The following FKTN variants were observed in gnomAD, a reference collection of about 807,000 sequenced individuals.
FKTN encodes the protein ribitol-5-phosphate transferase FKTN.
In FKTN, 47 loss-of-function variants were observed where a neutral mutation model predicts 58.6. The ratio of observed to expected loss-of-function variants is 0.80; its 90% confidence interval spans 0.63 to 1.02. The LOEUF (loss-of-function observed/expected upper bound fraction) is 1.02, where lower values mean the gene tolerates loss of function less well. Ranked by LOEUF, FKTN falls within the 50% of genes least tolerant of loss-of-function variation. The pLI is 0.00. For missense variants in FKTN, 516 were observed against 537.3 expected (o/e 0.96, Z 0.39); for synonymous variants, 178 against 191.9 (o/e 0.93, Z 0.60).
chr9:105,623,940 T>G (rs1032576981), intron 10 of FKTN, among the ~76,000 whole-genome samples: 3 of 152,212 alleles, frequency 2.0e-5, no homozygotes, highest in Non-Finnish European at 4.4e-5. Flanking sequence ...ATAGATTTAT[T>G]TAATGATTTT....
At chr9:105,619,876 G>A in intron 9 of FKTN, 58 bp from the exon 10 acceptor site, 1 of 1,474,618 alleles carries the variant, frequency 6.8e-7, no homozygotes, top group East Asian at 2.3e-5. Context: ...TTAAAAAAAG[G>A]TTTTTAAAAA....
At position 105,635,126 on chromosome 9, in the gene FKTN, C is replaced by G. The variant is rs774804160; in HGVS notation, c.1248C>G (p.Leu416=). ...AGGTCCATGTACCCTGTGAAACCCT[C>G]GAATACATTGAAGCCAACTATGGTA... ...DMKVHVPCET[L]EYIEANYGKT... is the part of the protein sequence containing the mutation. The change falls in exon 11 of 11, where the codon CTC becomes CTG. Residue 416 remains leucine (L), a synonymous_variant. Transcript: ENST00000357998. The G allele has an allele frequency of 6.2e-7, 1 of 1,613,956 alleles. No individual in the cohort carries two copies. Among genetic ancestry groups the G allele is most frequent in the South Asian group, 1.1e-5 (1 of 91,076 alleles).
Position 105,638,210 on chromosome 9 carries a change from TCTTTAACAGTG to T in FKTN, c.*2950_*2960del. On this transcript the variant is annotated 3_prime_UTR_variant, in exon 11 of 11. Coordinates refer to ENST00000357998, the MANE Select transcript of FKTN (RefSeq NM_001079802.2). ...GTCTGTTTCGCATCACAACACAGTATCTTTAACAGTGCTTGAGATGCTTAACAGAGAAGGCA... is the reference window on the plus strand; with the variant it reads ...GTCTGTTTCGCATCACAACACAGTATCTTGAGATGCTTAACAGAGAAGGCA... 1.0e-6 allele frequency: 1 copy of T among 985,402 alleles called. No individual in the cohort carries two copies. 61.0% of individuals were successfully genotyped at this position (985,402 alleles called of 1,614,324 possible). A position where few individuals can be genotyped will look rare whatever the true frequency, so the allele number is the denominator to read the frequency against.
At chr9:105,631,146 A>C (rs1564350767) in intron 10 of FKTN, among the ~76,000 whole-genome samples, 1 of 152,130 alleles carries the variant, frequency 6.6e-6, no homozygotes, top group Non-Finnish European at 1.5e-5. Flanking sequence ...AACAAACAAA[A>C]AAATCTGAAA....
chr9:105,565,052 T>C (rs1839157496), intron 1 of FKTN, among the ~76,000 whole-genome samples: 1 of 152,104 alleles, frequency 6.6e-6, no homozygotes, highest in East Asian at 1.9e-4. Context: ...CAAACTAAGC[T>C]TCATAAGTGA....
At chr9:105,577,796 C>G (rs1238025911) in intron 3 of FKTN, among the ~76,000 whole-genome samples, 2 of 150,220 alleles carry the variant, frequency 1.3e-5, no homozygotes, top group East Asian at 3.9e-4. Context: ...TCTTCCTACC[C>G]ATGAGCATGG....
intron 3 of FKTN, among the ~76,000 whole-genome samples, chr9:105,593,530 G>C (rs914416453): frequency 3.9e-5 from 6 of 152,228 alleles, no homozygotes; most frequent in African/African-American, 1.2e-4. Flanking sequence ...AGTACAAATG[G>C]AGTGTTGTAA....
At chr9:105,608,513 T>G (rs751704475) in intron 7 of FKTN, among the ~76,000 whole-genome samples, 4 of 152,196 alleles carry the variant, frequency 2.6e-5, no homozygotes, top group Non-Finnish European at 5.9e-5. Context: ...AAGATGATTT[T>G]GAAAGGCATG....
chr9:105,623,713 G>T (rs931349028), intron 10 of FKTN, among the ~76,000 whole-genome samples: 1 of 152,134 alleles, frequency 6.6e-6, no homozygotes, highest in African/African-American at 2.4e-5. Context: ...TAAGGATACT[G>T]ATGTGACTGT....
intron 1 of FKTN, among the ~76,000 whole-genome samples, chr9:105,564,084 G>A (rs1042636039): frequency 1.3e-5 from 2 of 152,334 alleles, no homozygotes; most frequent in Non-Finnish European, 1.5e-5. Context: ...CTGCATCTGA[G>A]GGTCCTGACT....
In FKTN at chr9:105,635,678, A is replaced by T; in HGVS notation, c.*414A>T. On this transcript the variant is annotated 3_prime_UTR_variant, in exon 11 of 11. Coordinates refer to ENST00000357998, the MANE Select transcript of FKTN (RefSeq NM_001079802.2). ...ATATACTAGTTGAAAAGAATAACCC[A>T]CTCCTCTTCTGGGCATTTAAGCTGG... 1 of 1,058,274 alleles carries T rather than the reference A, an allele frequency of 9.4e-7. No homozygotes were observed. Among genetic ancestry groups the T allele is most frequent in the Admixed American group, 5.0e-5 (1 of 20,058 alleles). 65.6% of individuals were successfully genotyped at this position (1,058,274 alleles called of 1,614,324 possible).
chr9:105,600,564 A>G (rs2518128), intron 4 of FKTN, among the ~76,000 whole-genome samples: 108,918 of 151,978 alleles, frequency 0.72, 39,824 homozygotes, highest in African/African-American at 0.85. Context: ...GAAATATTGC[A>G]GTATTAGAAA....
intron 9 of FKTN, among the ~76,000 whole-genome samples, chr9:105,618,758 C>T (rs1007593997): frequency 6.6e-6 from 1 of 152,116 alleles, no homozygotes; most frequent in African/African-American, 2.4e-5. Flanking sequence ...GGAGGTGTTA[C>T]CCTACAAGCA....
chr9:105,568,722 A>T (rs1564198770), intron 1 of FKTN, among the ~76,000 whole-genome samples: 1 of 152,210 alleles, frequency 6.6e-6, no homozygotes, highest in African/African-American at 2.4e-5. Context: ...ATTGTGGAAG[A>T]CAGTGTGGCG....
chr9:105,566,304 C>T (rs746883230), intron 1 of FKTN, among the ~76,000 whole-genome samples: 1 of 151,954 alleles, frequency 6.6e-6, no homozygotes, highest in Admixed American at 6.6e-5. Context: ...AAGATCAGAG[C>T]GGAACTGCAG....
chr9:105,585,159 G>A (rs572333166), intron 3 of FKTN, among the ~76,000 whole-genome samples: 69 of 152,250 alleles, frequency 4.5e-4, no homozygotes, highest in African/African-American at 1.7e-3. Context: ...GAGACCAGGT[G>A]CCTGCCTGTA....
In FKTN at chr9:105,618,058, A is replaced by T. The variant is rs760756067; in HGVS notation, c.1010A>T (p.Asp337Val). 1 of 1,611,888 alleles carries T rather than the reference A, an allele frequency of 6.2e-7. No homozygotes were observed. Among genetic ancestry groups the T allele is most frequent in the Non-Finnish European group, 8.5e-7 (1 of 1,178,064 alleles). Reference sequence around the variant, plus strand: ...TCTGATATTATTTTAGCATTTCAGGATGCAGGACTTCCGCTCAAACACAAA... The same window carrying T: ...TCTGATATTATTTTAGCATTTCAGGTTGCAGGACTTCCGCTCAAACACAAA... ...YKSDIILAFQDAGLPLKHKFG... is the reference protein window; with the variant it reads ...YKSDIILAFQVAGLPLKHKFG... The change falls in exon 9 of 11, where the codon GAT (aspartate) becomes GTT (valine). Residue 337 changes from aspartate (D) to valine (V), a missense_variant. Physicochemically the swap from Asp to Val is radical, Grantham distance 152. Transcript: ENST00000357998.
intron 3 of FKTN, among the ~76,000 whole-genome samples, chr9:105,593,725 A>G (rs151230328): frequency 1.3e-5 from 2 of 152,306 alleles, no homozygotes; most frequent in African/African-American, 4.8e-5. Context: ...AAACAGAAAT[A>G]TGGTGATACA....
chr9:105,635,652 G>A lies in FKTN; in HGVS notation c.*388G>A. On this transcript the variant is annotated 3_prime_UTR_variant, in exon 11 of 11. Coordinates refer to ENST00000357998, the MANE Select transcript of FKTN (RefSeq NM_001079802.2). ...AGCTCACCAGGCAAAGCTAAGGAAG[G>A]ATATACTAGTTGAAAAGAATAACCC... 1 of 1,117,960 alleles carries A rather than the reference G, an allele frequency of 8.9e-7. No homozygotes were observed. Among genetic ancestry groups the A allele is most frequent in the South Asian group, 2.4e-5 (1 of 41,192 alleles). The allele number at this position is 1,117,960 out of a possible 1,614,324, so 69.3% of individuals were successfully genotyped here. A position where few individuals can be genotyped will look rare whatever the true frequency, so the allele number is the denominator to read the frequency against.
Sources: allele counts gnomAD v4.1 joint callset (sites outside exome capture counted in the v4.1 genomes callset), GRCh38; gene constraint gnomAD v4.1.1; transcripts MANE v1.5; gene names NCBI Gene and HGNC (gene_info 2026-07-23, HGNC 2026-07-21).